Variants in MRPL1 observed in about 807,000 individuals in gnomAD.
The protein encoded by MRPL1 is large ribosomal subunit protein uL1m.
Under a neutral mutation model 38.0 loss-of-function variants are expected in MRPL1, and 28 were observed. The ratio of observed to expected loss-of-function variants is 0.74; its 90% confidence interval spans 0.55 to 1.01. The LOEUF is 1.01. MRPL1 is among the 50% of genes least tolerant of loss of function. The pLI is 0.00. For missense variants in MRPL1, 358 were observed against 389.8 expected (o/e 0.92, Z 0.69); for synonymous variants, 123 against 126.7 (o/e 0.97, Z 0.20).
At chr4:77,951,501 CTTA>C (rs1370762811) in intron 8 of MRPL1, among the ~76,000 whole-genome samples, 1 of 152,184 alleles carries the variant, frequency 6.6e-6, no homozygotes, top group Non-Finnish European at 1.5e-5. Flanking sequence ...TCTTCCCCTT[CTTA>C]TAATTCAAAA....
chr4:77,931,525 T>C (rs1282464482), intron 7 of MRPL1, among the ~76,000 whole-genome samples: 1 of 152,232 alleles, frequency 6.6e-6, no homozygotes. Context: ...ACAATTCTAC[T>C]GACGTTAGCA....
chr4:77,902,310 G>T (rs1736052360), intron 6 of MRPL1, among the ~76,000 whole-genome samples: 1 of 151,498 alleles, frequency 6.6e-6, no homozygotes, highest in Admixed American at 6.6e-5. Flanking sequence ...GGAGTTCAGG[G>T]TGGCAGTGCT....
At chr4:77,880,085 A>C (rs1039907143) in intron 2 of MRPL1, among the ~76,000 whole-genome samples, 1 of 152,176 alleles carries the variant, frequency 6.6e-6, no homozygotes, top group African/African-American at 2.4e-5. Flanking sequence ...TCCATAACAA[A>C]TTGCCATCTC....
intron 6 of MRPL1, among the ~76,000 whole-genome samples, chr4:77,895,234 A>G (rs1358133549): frequency 2.0e-5 from 3 of 152,140 alleles, no homozygotes; most frequent in Non-Finnish European, 2.9e-5. Flanking sequence ...CAGGGAAACC[A>G]GTTCAGGTAC....
intron 7 of MRPL1, among the ~76,000 whole-genome samples, chr4:77,937,542 T>C (rs1465059678): frequency 1.3e-5 from 2 of 152,216 alleles, no homozygotes; most frequent in Non-Finnish European, 2.9e-5. Context: ...TTGGGTGGTT[T>C]GATTTCCTTC....
intron 2 of MRPL1, among the ~76,000 whole-genome samples, chr4:77,876,538 A>C (rs946146336): frequency 6.6e-6 from 1 of 152,216 alleles, no homozygotes; most frequent in Admixed American, 6.5e-5. Flanking sequence ...AAACCATGAA[A>C]ATTTATAAGC....
At chr4:77,887,344 A>G (rs1735702424) in intron 5 of MRPL1, 53 bp downstream of exon 5, 2 of 1,360,264 alleles carry the variant, frequency 1.5e-6, no homozygotes, top group Admixed American at 1.7e-5. Context: ...TGTTATCTTT[A>G]CCATTCATTG....
intron 1 of MRPL1, among the ~76,000 whole-genome samples, chr4:77,868,910 A>G (rs1735215340): frequency 1.3e-5 from 2 of 152,220 alleles, no homozygotes; most frequent in South Asian, 4.1e-4. Context: ...TTGTTCAAAG[A>G]GCCAAGTTTA....
Position 77,923,952 on chromosome 4 carries a change from G to A in MRPL1, c.777+14580G>A, listed in dbSNP as rs547300386. On this transcript the variant is annotated intron_variant, in intron 7 of 8. Coordinates refer to ENST00000315567, the MANE Select transcript of MRPL1 (RefSeq NM_020236.4). ...GGAGGCGGAGGTTGCAGTGAGCCGA[G>A]ATTGCATCACTGTGCTCTAGCCTGG... 2.6e-5 allele frequency among the ~76,000 whole-genome samples: 4 copies of A among 151,178 alleles called. No individual in the cohort carries two copies. The South Asian group carries it at 8.4e-4, about 32-fold the overall frequency.
At chr4:77,931,477 G>A (rs1736842301) in intron 7 of MRPL1, among the ~76,000 whole-genome samples, 1 of 152,234 alleles carries the variant, frequency 6.6e-6, no homozygotes, top group South Asian at 2.1e-4. Context: ...AATTGTTAGA[G>A]AGGATTAATG....
chr4:77,878,872 C>T (rs1034654880), intron 2 of MRPL1, among the ~76,000 whole-genome samples: 8 of 151,994 alleles, frequency 5.3e-5, no homozygotes, highest in East Asian at 3.9e-4. Flanking sequence ...AGCGAGACTC[C>T]GTCTTAAAAA....
chr4:77,884,084 C>T (rs936480048), intron 3 of MRPL1, among the ~76,000 whole-genome samples: 3 of 151,932 alleles, frequency 2.0e-5, no homozygotes, highest in African/African-American at 4.8e-5. Flanking sequence ...TTAAAATTAA[C>T]GGAGGTATCA....
intron 7 of MRPL1, among the ~76,000 whole-genome samples, chr4:77,917,263 C>T (rs549291119): frequency 5.9e-5 from 9 of 152,130 alleles, no homozygotes; most frequent in Non-Finnish European, 1.3e-4. Context: ...TGACTCACCC[C>T]TACCATCACC....
At chr4:77,869,415 A>C (rs1462360244) in intron 1 of MRPL1, among the ~76,000 whole-genome samples, 1 of 152,192 alleles carries the variant, frequency 6.6e-6, no homozygotes, top group Non-Finnish European at 1.5e-5. Context: ...CAGCTAGACA[A>C]ATTGACTACA....
chr4:77,877,804 G>C (rs1735433739), intron 2 of MRPL1, among the ~76,000 whole-genome samples: 1 of 151,724 alleles, frequency 6.6e-6, no homozygotes, highest in Non-Finnish European at 1.5e-5. Flanking sequence ...CCTGCTCTCA[G>C]TGGGTAGAAG....
chr4:77,899,646 T>C (rs1366740041), intron 6 of MRPL1, among the ~76,000 whole-genome samples: 1 of 152,158 alleles, frequency 6.6e-6, no homozygotes, highest in Non-Finnish European at 1.5e-5. Flanking sequence ...TTTCTAACTA[T>C]TTCTTCTTTG....
At chr4:77,933,187 C>G (rs557134008) in intron 7 of MRPL1, among the ~76,000 whole-genome samples, 226 of 152,234 alleles carry the variant, frequency 1.5e-3, no homozygotes, top group Non-Finnish European at 2.8e-3. Flanking sequence ...CTCAAGTGAT[C>G]CTCCAGCCTC....
chr4:77,918,926 T>G (rs755618043), intron 7 of MRPL1, among the ~76,000 whole-genome samples: 2 of 152,184 alleles, frequency 1.3e-5, no homozygotes, highest in Non-Finnish European at 2.9e-5. Context: ...ATATAGTGAA[T>G]CAGTGGGAGA....
chr4:77,952,429 T>G, intron 8 of MRPL1, 60 bp from the exon 9 acceptor site: 1 of 1,146,568 alleles, frequency 8.7e-7, no homozygotes, highest in Admixed American at 1.8e-5. Context: ...CCTACTTTAT[T>G]TGCTCATGAG....
Sources: gnomAD v4.1 joint callset for allele counts (sites outside exome capture counted in the v4.1 genomes callset) on GRCh38, gnomAD v4.1.1 for gene constraint, MANE v1.5 for transcripts, NCBI Gene and HGNC (gene_info 2026-07-23, HGNC 2026-07-21) for gene names.